Variants in QTGAL observed in about 807,000 individuals in gnomAD.
QTGAL encodes BGnT-like protein 1.
chr17:83,027,202 G>C, the QTGAL span, among the ~76,000 whole-genome samples: 2 of 152,214 alleles, frequency 1.3e-5, no homozygotes, highest in African/African-American at 4.8e-5. Context: ...ACAGAGCAGG[G>C]CAGGGAGCCT....
At chr17:82,961,425 C>T in the QTGAL span, 1 of 545,214 alleles carries the variant, frequency 1.8e-6, no homozygotes, top group Admixed American at 3.1e-5. Context: ...TGGTTCTGCC[C>T]CAAATTCCAT....
the QTGAL span, chr17:83,048,472 G>A: frequency 4.2e-5 from 67 of 1,603,290 alleles, no homozygotes; most frequent in East Asian, 6.7e-5. Context: ...TTTACTTACC[G>A]CCTCTAGGAG....
the QTGAL span, among the ~76,000 whole-genome samples, chr17:82,989,691 G>A: frequency 1.3e-5 from 2 of 152,220 alleles, no homozygotes; most frequent in African/African-American, 4.8e-5. Context: ...GCACCTTTGT[G>A]GAGTCGAATT....
At chr17:83,025,178 C>T in the QTGAL span, among the ~76,000 whole-genome samples, 6 of 98,314 alleles carry the variant, frequency 6.1e-5, no homozygotes, top group African/African-American at 1.2e-4. Flanking sequence ...AGTCCACACA[C>T]GGACACCGCG....
chr17:82,995,879 T>C, the QTGAL span, among the ~76,000 whole-genome samples: 2 of 151,962 alleles, frequency 1.3e-5, no homozygotes, highest in African/African-American at 4.8e-5. Flanking sequence ...ACAATAGTGA[T>C]AACTAAAATA....
the QTGAL span, among the ~76,000 whole-genome samples, chr17:83,025,645 C>T: frequency 8.3e-5 from 12 of 144,530 alleles, no homozygotes; most frequent in African/African-American, 2.1e-4. Context: ...ACGGACACCG[C>T]GGAGAGTCCA....
chr17:82,949,955 T>C, the QTGAL span: 1 of 151,936 alleles, frequency 6.6e-6, no homozygotes, highest in Non-Finnish European at 1.5e-5. Context: ...CAGGGATGGG[T>C]ACATAGGGCT....
At chr17:83,041,552 C>T in the QTGAL span, among the ~76,000 whole-genome samples, 2 of 152,238 alleles carry the variant, frequency 1.3e-5, no homozygotes, top group African/African-American at 2.4e-5. Context: ...GCTTACTTCT[C>T]ATCAGAAACA....
At chr17:82,989,404 G>C in the QTGAL span, among the ~76,000 whole-genome samples, 1 of 151,314 alleles carries the variant, frequency 6.6e-6, no homozygotes, top group Non-Finnish European at 1.5e-5. Context: ...TTAATACCTA[G>C]GTGGTGGGTT....
the QTGAL span, among the ~76,000 whole-genome samples, chr17:82,992,508 G>A: frequency 6.6e-6 from 1 of 152,090 alleles, no homozygotes; most frequent in African/African-American, 2.4e-5. Flanking sequence ...GACTTTCCCA[G>A]ACAAACAAAA....
At chr17:82,953,434 G>C in the QTGAL span, among the ~76,000 whole-genome samples, 1 of 152,074 alleles carries the variant, frequency 6.6e-6, no homozygotes, top group Admixed American at 6.6e-5. Flanking sequence ...TAAATTCCTG[G>C]ACACATACAC....
At chr17:82,994,560 G>A in the QTGAL span, among the ~76,000 whole-genome samples, 1 of 152,002 alleles carries the variant, frequency 6.6e-6, no homozygotes, top group Admixed American at 6.6e-5. Context: ...ATAATACAAA[G>A]TCTCCTAGCA....
At chr17:83,022,018 C>T in the QTGAL span, among the ~76,000 whole-genome samples, 1 of 152,142 alleles carries the variant, frequency 6.6e-6, no homozygotes, top group African/African-American at 2.4e-5. Flanking sequence ...CCTCAGCCCC[C>T]ATATACACCA....
the QTGAL span, among the ~76,000 whole-genome samples, chr17:83,032,029 CCGGGT>C: frequency 7.0e-6 from 1 of 143,658 alleles, no homozygotes; most frequent in African/African-American, 2.6e-5. Flanking sequence ...AGCTGAACAA[CCGGGT>C]CAGACCAGGC....
At chr17:83,021,847 A>G in the QTGAL span, among the ~76,000 whole-genome samples, 1 of 152,236 alleles carries the variant, frequency 6.6e-6, no homozygotes, top group African/African-American at 2.4e-5. Flanking sequence ...ACTGGTATAA[A>G]GAGAAATATA....
the QTGAL span, chr17:82,981,044 T>G: frequency 0.55 from 82,898 of 152,070 alleles, 22,783 homozygotes; most frequent in South Asian, 0.61. Flanking sequence ...TCTTTCAGAA[T>G]TTACTTCAGA....
At chr17:83,009,203 C>A in the QTGAL span, among the ~76,000 whole-genome samples, 4 of 152,050 alleles carry the variant, frequency 2.6e-5, no homozygotes, top group Non-Finnish European at 5.9e-5. Context: ...GCGGGTGGAT[C>A]ACGAGGTCAG....
chr17:82,942,649 C>T, the QTGAL span: 10 of 683,692 alleles, frequency 1.5e-5, no homozygotes, highest in African/African-American at 3.6e-5. Flanking sequence ...TTGGGGTGGA[C>T]GCCTCTGCCT....
At chr17:82,985,789 TAAG>T in the QTGAL span, among the ~76,000 whole-genome samples, 8 of 152,342 alleles carry the variant, frequency 5.3e-5, no homozygotes, top group African/African-American at 1.4e-4. Context: ...ACTTCCCAGT[TAAG>T]AAGAAGAGAG....
Sources: gnomAD v4.1 joint callset for allele counts (sites outside exome capture counted in the v4.1 genomes callset) on GRCh38, gnomAD v4.1.1 for gene constraint, MANE v1.5 for transcripts, NCBI Gene and HGNC (gene_info 2026-07-23, HGNC 2026-07-21) for gene names.